EXD3: variants seen among roughly 807,000 people sequenced by gnomAD.
The protein encoded by EXD3 is exonuclease 3'-5' domain containing 3.
A neutral mutation model predicts 98.0 loss-of-function variants in EXD3; 92 were observed. The ratio of observed to expected loss-of-function variants is 0.94; its 90% CI spans 0.79 to 1.12. The LOEUF is 1.12. Ranked by LOEUF, EXD3 falls within the 50% of genes most tolerant of loss-of-function variation. The pLI, the probability that EXD3 is intolerant of heterozygous loss-of-function variation, is 0.00. For missense variants in EXD3, 1,222 were observed against 1,191.6 expected, an observed-to-expected ratio of 1.03 and a Z score of -0.38; for synonymous variants, 569 against 526.0, an observed-to-expected ratio of 1.08 and a Z score of -1.12.
At chr9:137,326,156 C>T (rs564807751) in intron 17 of EXD3, among the ~76,000 whole-genome samples, 2 of 151,798 alleles carry the variant, frequency 1.3e-5, no homozygotes, top group East Asian at 1.9e-4. Context: ...AGGATTTCTT[C>T]GATATGACAC....
At chr9:137,422,769 T>G (rs982657648) in intron 1 of EXD3, among the ~76,000 whole-genome samples, 2 of 151,714 alleles carry the variant, frequency 1.3e-5, no homozygotes, top group Non-Finnish European at 2.9e-5. Flanking sequence ...CGGGAGCGCC[T>G]CCTCCTCGGC....
chr9:137,352,795 A>G lies in EXD3; in HGVS notation c.871-9T>C. ...CTCTGCCCCACCAGGCCCTGTGAGG[A>G]GGGTGGCCGTGAGGATGGAGATGGG... On this transcript the variant is annotated splice_polypyrimidine_tract_variant and intron_variant, in intron 10 of 21. Coordinates refer to ENST00000340951, the MANE Select transcript of EXD3 (RefSeq NM_017820.5). 6.3e-7 allele frequency: 1 copy of G among 1,578,520 alleles called. No homozygotes were observed. Among genetic ancestry groups the G allele is most frequent in the East Asian group, 2.3e-5 (1 of 43,292 alleles).
At chr9:137,412,999 T>A (rs1375919187) in intron 1 of EXD3, among the ~76,000 whole-genome samples, 2 of 151,904 alleles carry the variant, frequency 1.3e-5, no homozygotes, top group African/African-American at 4.8e-5. Context: ...CCCAGACTGG[T>A]CTCAAACTCC....
At chr9:137,388,287 C>T (rs1359991983) in intron 2 of EXD3, among the ~76,000 whole-genome samples, 5 of 151,850 alleles carry the variant, frequency 3.3e-5, no homozygotes, top group African/African-American at 1.2e-4. Context: ...CAGGCAGAGG[C>T]GGCCAGGACG....
chr9:137,361,803 T>C (rs934912064), intron 7 of EXD3, among the ~76,000 whole-genome samples: 38 of 145,424 alleles, frequency 2.6e-4, no homozygotes, highest in African/African-American at 8.6e-4. Context: ...TGAGGCCAAA[T>C]GTGATGAGTA....
At chr9:137,374,229 C>T (rs760715451) in intron 3 of EXD3, among the ~76,000 whole-genome samples, 30 of 152,232 alleles carry the variant, frequency 2.0e-4, no homozygotes, top group Non-Finnish European at 3.8e-4. Context: ...CAGGTCATTC[C>T]GCAGGTAGAA....
At chr9:137,310,244 G>A (rs1228201062) in intron 19 of EXD3, among the ~76,000 whole-genome samples, 1 of 152,170 alleles carries the variant, frequency 6.6e-6, no homozygotes, top group African/African-American at 2.4e-5. Context: ...CCCCATGGCT[G>A]CATTATTATT....
In EXD3 at chr9:137,359,204, C is replaced by T. The variant is rs1257404938; in HGVS notation, c.657-2836G>A. Among the ~76,000 whole-genome samples the T allele has an allele frequency of 3.6e-5, 3 of 82,978 alleles. 1 individual carries two copies. The highest frequency in any genetic ancestry group is 8.8e-5 in the Non-Finnish European group (3 of 33,920). 54.4% of individuals were successfully genotyped at this position (82,978 alleles called of 152,430 possible). A position where few individuals can be genotyped will look rare whatever the true frequency, so the allele number is the denominator to read the frequency against. ...CAGGTTAGTCTCGATCTCCTGACCT[C>T]ATGATCTGCCTGCCTCGGCCTCCCA... On this transcript the variant is annotated intron_variant, in intron 7 of 21. Coordinates refer to ENST00000340951, the MANE Select transcript of EXD3 (RefSeq NM_017820.5).
At chr9:137,367,834 C>A in intron 6 of EXD3, 102 bp downstream of exon 6, 1 of 1,179,760 alleles carries the variant, frequency 8.5e-7, no homozygotes, top group Non-Finnish European at 1.2e-6. Context: ...CTGTCCCCCA[C>A]TGTGGCTTGG....
intron 19 of EXD3, among the ~76,000 whole-genome samples, chr9:137,311,974 C>T (rs1588216869): frequency 6.6e-6 from 1 of 152,308 alleles, no homozygotes; most frequent in Non-Finnish European, 1.5e-5. Context: ...CACTCGGGGG[C>T]TGAGAGCCCC....
intron 20 of EXD3, among the ~76,000 whole-genome samples, chr9:137,309,298 G>A (rs946756622): frequency 6.6e-6 from 1 of 152,110 alleles, no homozygotes; most frequent in Non-Finnish European, 1.5e-5. Context: ...TGTGTGCACC[G>A]CATGCCTGGG....
chr9:137,388,463 C>A (rs1836724255), intron 2 of EXD3, among the ~76,000 whole-genome samples: 1 of 152,140 alleles, frequency 6.6e-6, no homozygotes, highest in South Asian at 2.1e-4. Flanking sequence ...CACAGACGCA[C>A]GCGGGAAACT....
In EXD3 at chr9:137,403,652, C is replaced by T. The variant is rs1837580291; in HGVS notation, c.-47-8248G>A. On this transcript the variant is annotated intron_variant, in intron 1 of 21. Coordinates refer to ENST00000340951, the MANE Select transcript of EXD3 (RefSeq NM_017820.5). The surrounding 1 kb of genome is among the most constrained non-coding windows in gnomAD (Gnocchi z 6.1). ...ATTCTTTTGCTGTCACCTTAATTGG[C>T]CTTGGGGGAGATGGACCAGCAGGCC... Among the ~76,000 whole-genome samples the T allele has an allele frequency of 6.6e-6, 1 of 152,168 alleles. No individual in the cohort carries two copies. The highest frequency in any genetic ancestry group is 1.5e-5 in the Non-Finnish European group (1 of 68,040).
At chr9:137,413,325 C>T (rs933960452) in intron 1 of EXD3, among the ~76,000 whole-genome samples, 3 of 151,706 alleles carry the variant, frequency 2.0e-5, no homozygotes, top group African/African-American at 7.3e-5. Context: ...CTCAGCCTCC[C>T]GAGTAGCTGG....
chr9:137,366,644 C>T lies in EXD3; in HGVS notation c.517-12G>A. 1 of 1,555,738 alleles carries T rather than the reference C, an allele frequency of 6.4e-7. No individual in the cohort carries two copies. Among genetic ancestry groups the T allele is most frequent in the Non-Finnish European group, 8.7e-7 (1 of 1,150,774 alleles). ...AGTGGGATGCTCATCTGCAGGGGGACACACGGTCAGGCCACAGCCTCCGCC... is the reference window on the plus strand; with the variant it reads ...AGTGGGATGCTCATCTGCAGGGGGATACACGGTCAGGCCACAGCCTCCGCC... On this transcript the variant is annotated splice_polypyrimidine_tract_variant and intron_variant, in intron 6 of 21. Coordinates refer to ENST00000340951, the MANE Select transcript of EXD3 (RefSeq NM_017820.5).
At chr9:137,383,878 G>C (rs971025046) in intron 2 of EXD3, among the ~76,000 whole-genome samples, 4 of 152,164 alleles carry the variant, frequency 2.6e-5, no homozygotes, top group African/African-American at 9.6e-5. Flanking sequence ...CCTCACTGCA[G>C]CAAAAGTGCC....
rs552162931 is a variant in EXD3, at chr9:137,371,086, G to T, written c.462+1819C>A. Among the ~76,000 whole-genome samples, 53 of 152,334 alleles carry T rather than the reference G, an allele frequency of 3.5e-4. No individual in the cohort carries two copies. Among genetic ancestry groups the T allele is most frequent in the African/African-American group, 1.2e-3 (49 of 41,592 alleles). On this transcript the variant is annotated intron_variant, in intron 5 of 21. Transcript: ENST00000340951. The surrounding 1 kb of genome is among the most constrained non-coding windows in gnomAD (Gnocchi z 8.0). ...GGCTTTCTTCGCAGAAGGGGCCTGT[G>T]CGGGACAAGACCCCCTTTGTGTGGG...
chr9:137,385,604 C>T lies in EXD3; in HGVS notation c.56-2227G>A, dbSNP rs775030299. On this transcript the variant is annotated intron_variant, in intron 2 of 21. Coordinates refer to ENST00000340951, the MANE Select transcript of EXD3 (RefSeq NM_017820.5). This position sits in a 1 kb window ranked among gnomAD's most constrained non-coding sequence, Gnocchi z 4.4. The stretch of plus-strand genomic sequence containing the variant: ...AGGCTGGAGTGCAGTGCTGTGATCT[C>T]GGCTCACTGCAACCTCCACCTCTCA... Among the ~76,000 whole-genome samples the T allele has an allele frequency of 9.7e-4, 148 of 152,298 alleles. 2 individuals are homozygous for T. Among genetic ancestry groups the T allele is most frequent in the South Asian group, 3.1e-3 (15 of 4,784 alleles).
In EXD3 at chr9:137,407,633, CCA is replaced by C. The variant is rs1837792717; in HGVS notation, c.-47-12231_-47-12230del. 6.6e-6 allele frequency among the ~76,000 whole-genome samples: 1 copy of C among 152,166 alleles called. No homozygotes were observed. The highest frequency in any genetic ancestry group is 1.5e-5 in the Non-Finnish European group (1 of 68,024). On this transcript the variant is annotated intron_variant, in intron 1 of 21. Coordinates refer to ENST00000340951, the MANE Select transcript of EXD3 (RefSeq NM_017820.5). This position sits in a 1 kb window ranked among gnomAD's most constrained non-coding sequence, Gnocchi z 4.4. ...AAGGATGGAGACGCAGCTCCAGACC[CCA>C]GAGTGCGGCCCCCCAGACACACCCA...
Sources: allele counts gnomAD v4.1 joint callset (sites outside exome capture counted in the v4.1 genomes callset), GRCh38; gene constraint gnomAD v4.1.1; non-coding constraint Gnocchi (gnomAD v3.1); transcripts MANE v1.5; gene names NCBI Gene and HGNC (gene_info 2026-07-23, HGNC 2026-07-21).